The following RPF1 variants were observed in gnomAD, a reference collection of about 807,000 sequenced individuals.
RPF1 encodes the protein ribosome production factor 1 homolog.
In RPF1, 34 loss-of-function variants were observed where a neutral mutation model predicts 41.9. The observed-to-expected ratio is 0.81, with a 90% confidence interval of 0.62 to 1.08. The LOEUF (loss-of-function observed/expected upper bound fraction) is 1.08, where lower values mean the gene tolerates loss of function less well. RPF1 is among the 50% of genes least tolerant of loss of function. RPF1 has a pLI of 0.00. For synonymous variants in RPF1, 140 were observed against 148.9 expected (o/e 0.94, Z 0.43); for missense variants, 425 against 435.2 (o/e 0.98, Z 0.21).
rs766698979 is a variant in RPF1, at chr1:84,490,439, C to T, written c.583C>T (p.Leu195=). ...PQCIARDFTD[L]IVINEDRKTP... ...GTGCATCGCAAGAGATTTCACAGACCTGATTGTTATTAATGAAGATCGTAA... is the reference window on the plus strand; with the variant it reads ...GTGCATCGCAAGAGATTTCACAGACTTGATTGTTATTAATGAAGATCGTAA... Residue 195 remains leucine, a synonymous_variant, in exon 5 of 9, where the codon CTG becomes TTG. Transcript: ENST00000370654. 2.9e-5 allele frequency: 46 copies of T among 1,602,072 alleles called. No individual in the cohort carries two copies. In the South Asian group the frequency reaches 4.7e-4, roughly 16 times the overall value.
At chr1:84,479,604 A>T (rs546351541) in intron 1 of RPF1, 95 bp downstream of exon 1, 168 of 1,200,692 alleles carry the variant, frequency 1.4e-4, no homozygotes, top group Non-Finnish European at 1.9e-4. Context: ...TGCTGGTCTC[A>T]AAAGTGTTCT....
rs1681600335 is a variant in RPF1 at position 84,479,441 on chromosome 1, AT to A, written c.163del (p.Ser55ArgfsTer11). On this transcript the variant is annotated frameshift_variant, in exon 1 of 9. Transcript: ENST00000370654. LOFTEE classifies it high-confidence loss of function. ...KAAAFPPGFS[I>X]SEIKNKQRRH... The stretch of plus-strand genomic sequence containing the variant: ...GGCTGCCTTTCCGCCAGGCTTTAGC[AT>A]TTCGGAGATTAAAAACAAACAGCGG... 6.2e-7 allele frequency: 1 copy of A among 1,614,122 alleles called. No individual in the cohort carries two copies. The highest frequency in any genetic ancestry group is 1.3e-5 in the African/African-American group (1 of 74,946).
At chr1:84,488,031 G>A (rs78776055) in intron 3 of RPF1, among the ~76,000 whole-genome samples, 5,894 of 151,864 alleles carry the variant, frequency 0.039, 152 homozygotes, top group Admixed American at 0.08. Context: ...TATTTGCTTC[G>A]TCAGTTTGTC....
intron 4 of RPF1, 141 bp downstream of exon 4, chr1:84,489,869 G>C (rs1570349802): frequency 3.3e-6 from 2 of 600,200 alleles, no homozygotes; most frequent in African/African-American, 3.7e-5. Context: ...CGTAGCTCTG[G>C]TAATATGATG....
chr1:84,497,255 C>T (rs968390444), intron 8 of RPF1, among the ~76,000 whole-genome samples, 174 bp from the exon 9 acceptor site: 1 of 151,626 alleles, frequency 6.6e-6, no homozygotes, highest in African/African-American at 2.4e-5. Context: ...TAACTGCCAA[C>T]ATCTTTTATA....
chr1:84,492,815 C>T (rs1264291721), intron 5 of RPF1, among the ~76,000 whole-genome samples: 1 of 152,188 alleles, frequency 6.6e-6, no homozygotes, highest in Non-Finnish European at 1.5e-5. Context: ...GCCAGTAACA[C>T]CTCAGTCATA....
intron 3 of RPF1, among the ~76,000 whole-genome samples, chr1:84,487,590 T>G (rs897684202): frequency 8.5e-5 from 13 of 152,134 alleles, no homozygotes; most frequent in African/African-American, 3.1e-4. Context: ...GGACCAGAAG[T>G]TCTTGATGTA....
intron 1 of RPF1, among the ~76,000 whole-genome samples, chr1:84,480,160 C>T (rs1004943120): frequency 6.6e-6 from 1 of 152,110 alleles, no homozygotes; most frequent in Non-Finnish European, 1.5e-5. Context: ...TGTCTGCCTC[C>T]TCTTACTGGC....
At position 84,490,431 on chromosome 1, in the gene RPF1, T is replaced by G. The variant is rs1558543415; in HGVS notation, c.575T>G (p.Phe192Cys). Residue 192 changes from phenylalanine to cysteine, a missense_variant, in exon 5 of 9, where the codon TTC (phenylalanine) becomes TGC (cysteine). Coordinates refer to ENST00000370654, the MANE Select transcript of RPF1 (RefSeq NM_025065.7). ...ATTCCACAGTGCATCGCAAGAGATT[T>G]CACAGACCTGATTGTTATTAATGAA... Reference protein sequence around the residue: ...KIIPQCIARDFTDLIVINEDR... With the variant: ...KIIPQCIARDCTDLIVINEDR... 1 of 1,607,824 alleles carries G rather than the reference T, an allele frequency of 6.2e-7. No homozygotes were observed.
intron 1 of RPF1, 47 bp from the exon 2 acceptor site, chr1:84,480,908 AT>A: frequency 9.9e-7 from 1 of 1,006,022 alleles, no homozygotes; most frequent in Non-Finnish European, 1.6e-6. Context: ...TGTTTGTGAT[AT>A]AACTGGTTGT....
chr1:84,493,447 AT>A (rs2101887010), intron 5 of RPF1, among the ~76,000 whole-genome samples: 1 of 152,068 alleles, frequency 6.6e-6, no homozygotes, highest in East Asian at 1.9e-4. Flanking sequence ...CTCTACAAAA[AT>A]TAGCTGGGCA....
At chr1:84,496,827 T>C (rs1030931144) in intron 8 of RPF1, among the ~76,000 whole-genome samples, 1 of 152,196 alleles carries the variant, frequency 6.6e-6, no homozygotes, top group Non-Finnish European at 1.5e-5. Flanking sequence ...TCTTAGAAGT[T>C]TGGAGATCAT....
chr1:84,484,255 A>G (rs947255851), intron 3 of RPF1, among the ~76,000 whole-genome samples: 3 of 152,160 alleles, frequency 2.0e-5, no homozygotes, highest in African/African-American at 7.2e-5. Flanking sequence ...GACTTCCTAA[A>G]TATTCCCTCT....
rs528409614 is a variant in RPF1, at chr1:84,483,891, G to A, written c.366+896G>A. ...GATTTCTGTCATTCTTTCAGCAAAT[G>A]TTTATGGATTTGCCTGCATCGTATT... On this transcript the variant is annotated intron_variant, in intron 3 of 8. Coordinates refer to ENST00000370654, the MANE Select transcript of RPF1 (RefSeq NM_025065.7). Among the ~76,000 whole-genome samples the A allele has an allele frequency of 3.3e-5, 5 of 152,262 alleles. No individual in the cohort carries two copies. In the South Asian group the frequency reaches 1.0e-3, roughly 32 times the overall value.
intron 3 of RPF1, among the ~76,000 whole-genome samples, chr1:84,484,612 A>G (rs1681707159): frequency 6.6e-6 from 1 of 151,886 alleles, no homozygotes; most frequent in Non-Finnish European, 1.5e-5. Context: ...CTCTGATTAT[A>G]TTCAGTTTAT....
chr1:84,482,123 T>C (rs1292915301), intron 2 of RPF1, among the ~76,000 whole-genome samples: 1 of 152,240 alleles, frequency 6.6e-6, no homozygotes, highest in African/African-American at 2.4e-5. Flanking sequence ...TAAAAAATGC[T>C]TAAAATGTAA....
At chr1:84,480,021 A>C (rs1681615078) in intron 1 of RPF1, among the ~76,000 whole-genome samples, 1 of 152,232 alleles carries the variant, frequency 6.6e-6, no homozygotes, top group Non-Finnish European at 1.5e-5. Context: ...TAGGTAAACA[A>C]ACTGAAACGT....
chr1:84,483,253 GTTTTGT>G (rs535252073), intron 3 of RPF1: 4,460 of 433,420 alleles, frequency 0.01, 39 homozygotes, highest in Middle Eastern at 0.014. Context: ...ATTTTGGAGG[GTTTTGT>G]TTTTGTTTTT....
chr1:84,490,047 AC>A (rs1264581706), intron 4 of RPF1, among the ~76,000 whole-genome samples: 1 of 152,124 alleles, frequency 6.6e-6, no homozygotes, highest in Non-Finnish European at 1.5e-5. Context: ...ACACACCACT[AC>A]CACTACCATC....
Sources: gnomAD v4.1 joint callset for allele counts (sites outside exome capture counted in the v4.1 genomes callset) on GRCh38, gnomAD v4.1.1 for gene constraint, MANE v1.5 for transcripts, NCBI Gene and HGNC (gene_info 2026-07-23, HGNC 2026-07-21) for gene names.